The following BBS9 variants were observed in gnomAD, a reference collection of about 807,000 sequenced individuals.
BBS9 encodes the protein Bardet-Biedl syndrome 9.
BBS9 carries 89 observed loss-of-function variants against 117.7 expected under a neutral mutation model. The ratio of observed to expected loss-of-function variants is 0.76; its 90% CI spans 0.64 to 0.90. BBS9 has a LOEUF of 0.90. Ranked by LOEUF, BBS9 falls within the 40% of genes least tolerant of loss-of-function variation. The pLI is 0.00. For synonymous variants in BBS9, 379 were observed against 370.9 expected, an observed-to-expected ratio of 1.02 and a Z score of -0.25; for missense variants, 982 against 1,042.2, an observed-to-expected ratio of 0.94 and a Z score of 0.80.
rs1864479242 is a variant in BBS9, at chr7:33,605,601, C to T, written c.*375C>T. ...CAGAATTCTTATATAGTAAATGTATCAAGTTTAATAAAGCATCTCATTGTC... is the reference window on the plus strand; with the variant it reads ...CAGAATTCTTATATAGTAAATGTATTAAGTTTAATAAAGCATCTCATTGTC... On this transcript the variant is annotated 3_prime_UTR_variant, in exon 23 of 23. Transcript: ENST00000242067. The T allele has an allele frequency of 7.6e-6, 2 of 263,248 alleles. No individual in the cohort carries two copies. The highest frequency in any genetic ancestry group is 1.5e-5 in the Non-Finnish European group (2 of 136,176). 16.3% of individuals were successfully genotyped at this position (263,248 alleles called of 1,614,324 possible).
intron 4 of BBS9, among the ~76,000 whole-genome samples, chr7:33,170,843 G>T (rs889603958): frequency 1.3e-5 from 2 of 151,964 alleles, no homozygotes; most frequent in African/African-American, 4.8e-5. Flanking sequence ...TGAGTGAACT[G>T]CCATTCACAA....
At chr7:33,575,732 G>T (rs1364525278) in intron 21 of BBS9, among the ~76,000 whole-genome samples, 1 of 152,078 alleles carries the variant, frequency 6.6e-6, no homozygotes, top group Non-Finnish European at 1.5e-5. Context: ...TTCATCCCTG[G>T]GTTGCAAGGC....
chr7:33,281,695 G>A (rs989346403), intron 9 of BBS9, among the ~76,000 whole-genome samples: 8 of 151,502 alleles, frequency 5.3e-5, no homozygotes, highest in Non-Finnish European at 1.0e-4. Flanking sequence ...TCTTTCAATA[G>A]GTTCATTTAA....
At chr7:33,606,237 A>G (rs1023468436), downstream of BBS9, among the ~76,000 whole-genome samples, 2 of 152,204 alleles carry the variant, frequency 1.3e-5, no homozygotes, top group Non-Finnish European at 2.9e-5. Context: ...TAGCCATGAT[A>G]TGAGCATAAA....
chr7:33,477,441 A>G (rs543126810), intron 19 of BBS9, among the ~76,000 whole-genome samples: 2 of 152,210 alleles, frequency 1.3e-5, no homozygotes, highest in Admixed American at 1.3e-4. Flanking sequence ...TTTACTGTGC[A>G]TCTGGCTACT....
chr7:33,305,581 C>T (rs906191656), intron 9 of BBS9, among the ~76,000 whole-genome samples: 9 of 152,070 alleles, frequency 5.9e-5, no homozygotes, highest in Admixed American at 2.0e-4. Context: ...GCTTTCATCT[C>T]GTTACTCGAT....
intron 19 of BBS9, among the ~76,000 whole-genome samples, chr7:33,415,257 G>A (rs936034836): frequency 6.6e-6 from 1 of 152,166 alleles, no homozygotes; most frequent in Non-Finnish European, 1.5e-5. Flanking sequence ...CTGTGGGTAA[G>A]ACCCCAAGTT....
intron 21 of BBS9, among the ~76,000 whole-genome samples, chr7:33,576,304 C>T (rs1019243765): frequency 2.0e-5 from 3 of 152,080 alleles, no homozygotes; most frequent in African/African-American, 7.2e-5. Flanking sequence ...CTCCCATTCA[C>T]AATTGCTATA....
chr7:33,330,962 A>G (rs1284679674), intron 9 of BBS9, among the ~76,000 whole-genome samples: 1 of 152,168 alleles, frequency 6.6e-6, no homozygotes, highest in African/African-American at 2.4e-5. Flanking sequence ...ATAGAACCTT[A>G]CTTATTAACC....
At chr7:33,529,861 T>C (rs557890718) in intron 20 of BBS9, among the ~76,000 whole-genome samples, 1 of 152,366 alleles carries the variant, frequency 6.6e-6, no homozygotes, top group African/African-American at 2.4e-5. Flanking sequence ...TTGATATTTA[T>C]CTTTAAAAGA....
At chr7:33,286,191 A>G (rs368602302) in intron 9 of BBS9, among the ~76,000 whole-genome samples, 7 of 152,262 alleles carry the variant, frequency 4.6e-5, no homozygotes, top group African/African-American at 7.2e-5. Flanking sequence ...AAGTACTGTC[A>G]TCAAGACTGT....
intron 16 of BBS9, among the ~76,000 whole-genome samples, chr7:33,358,336 CTG>C (rs1287700195): frequency 1.3e-5 from 2 of 151,558 alleles, no homozygotes; most frequent in African/African-American, 4.8e-5. Flanking sequence ...TTGGATATAT[CTG>C]TCTTCTAAGT....
intron 19 of BBS9, among the ~76,000 whole-genome samples, chr7:33,481,399 T>C (rs1842494629): frequency 6.6e-6 from 1 of 152,192 alleles, no homozygotes; most frequent in Non-Finnish European, 1.5e-5. Flanking sequence ...AACTTTGACA[T>C]GTATTTCTCT....
At chr7:33,265,985 A>G (rs1472220818) in intron 7 of BBS9, among the ~76,000 whole-genome samples, 1 of 152,126 alleles carries the variant, frequency 6.6e-6, no homozygotes, top group Non-Finnish European at 1.5e-5. Flanking sequence ...TGACCTCCTC[A>G]ATAGTGGTGT....
chr7:33,550,110 A>G (rs1188663404), intron 21 of BBS9, among the ~76,000 whole-genome samples: 2 of 152,076 alleles, frequency 1.3e-5, no homozygotes, highest in Non-Finnish European at 2.9e-5. Context: ...TCTATCTTTT[A>G]TAGTACGGTT....
chr7:33,242,626 T>C (rs2128285890), intron 5 of BBS9, among the ~76,000 whole-genome samples: 1 of 152,276 alleles, frequency 6.6e-6, no homozygotes, highest in Middle Eastern at 3.4e-3. Context: ...AATCAGGGTC[T>C]TATATGCTAT....
intron 19 of BBS9, chr7:33,390,615 A>T: frequency 2.1e-6 from 2 of 967,978 alleles, no homozygotes; most frequent in Non-Finnish European, 2.5e-6. Context: ...TTGTTCAATA[A>T]GTTTCATGAG....
At chr7:33,374,670 G>C (rs907787605) in intron 17 of BBS9, among the ~76,000 whole-genome samples, 1 of 152,120 alleles carries the variant, frequency 6.6e-6, no homozygotes, top group African/African-American at 2.4e-5. Context: ...GGGAGGTCGA[G>C]GTGGGTGGAT....
chr7:33,563,570 A>G (rs1856412208), intron 21 of BBS9, among the ~76,000 whole-genome samples: 2 of 152,218 alleles, frequency 1.3e-5, no homozygotes, highest in African/African-American at 4.8e-5. Context: ...CTATCTTAGC[A>G]TGAAGATAGT....
Sources: allele counts gnomAD v4.1 joint callset (sites outside exome capture counted in the v4.1 genomes callset), GRCh38; gene constraint gnomAD v4.1.1; transcripts MANE v1.5; gene names NCBI Gene and HGNC (gene_info 2026-07-23, HGNC 2026-07-21).